Variants in CPNE2 observed in about 807,000 individuals in gnomAD.
CPNE2 encodes copine-2.
CPNE2 carries 42 observed loss-of-function variants against 69.7 expected under a neutral mutation model. That is an observed-to-expected ratio of 0.60 (90% CI 0.47 to 0.78). CPNE2 has a LOEUF of 0.78. Ranked by LOEUF, CPNE2 falls within the 30% of genes least tolerant of loss-of-function variation. CPNE2 has a pLI of 0.00. For synonymous variants in CPNE2, 294 were observed against 289.8 expected, an observed-to-expected ratio of 1.01 and a Z score of -0.15; for missense variants, 587 against 732.0, an observed-to-expected ratio of 0.80 and a Z score of 2.29.
intron 1 of CPNE2, among the ~76,000 whole-genome samples, chr16:57,110,224 CTTTT>C (rs145923720): frequency 1.7e-4 from 20 of 119,026 alleles, no homozygotes; most frequent in Admixed American, 2.7e-4. Flanking sequence ...CTTTTCTTTT[CTTTT>C]TTTTTTTTTT....
chr16:57,125,402 A>G (rs2069793436), intron 10 of CPNE2: 1 of 455,440 alleles, frequency 2.2e-6, no homozygotes, highest in South Asian at 1.5e-5. Context: ...TAATGGGGAG[A>G]TGGCTTGGGT....
At chr16:57,121,044 G>A (rs1182342598) in intron 7 of CPNE2, 49 bp from the exon 8 acceptor site, 1 of 1,430,978 alleles carries the variant, frequency 7.0e-7, no homozygotes, top group Non-Finnish European at 9.7e-7. Context: ...GGGCTGGAGA[G>A]CACCTCTTGG....
Position 57,146,886 on chromosome 16 carries a change from G to A in CPNE2, c.1539+565G>A, listed in dbSNP as rs2069962631. ...GGTTGGCCTCCTGATCACTGCCCTAGCAGCAGGGTCCATGAGGAGTCCCAT... is the reference window on the plus strand; with the variant it reads ...GGTTGGCCTCCTGATCACTGCCCTAACAGCAGGGTCCATGAGGAGTCCCAT... On this transcript the variant is annotated intron_variant, in intron 15 of 15. Transcript: ENST00000290776. This position sits in a 1 kb window ranked among gnomAD's most constrained non-coding sequence, Gnocchi z 4.4. 1.3e-5 allele frequency: 2 copies of A among 159,524 alleles called. No homozygotes were observed. Among genetic ancestry groups the A allele is most frequent in the Non-Finnish European group, 1.4e-5 (1 of 72,292 alleles). 9.9% of individuals were successfully genotyped at this position (159,524 alleles called of 1,614,324 possible).
chr16:57,146,490 G>A lies in CPNE2; in HGVS notation c.1539+169G>A. On this transcript the variant is annotated intron_variant, in intron 15 of 15. Transcript: ENST00000290776. The surrounding 1 kb of genome is among the most constrained non-coding windows in gnomAD (Gnocchi z 4.4). ...TGTGCCAGGCGCCGTGCCAGGCCTTGCCCCGGTGGTGGCCATTGTGATAGT... is the reference window on the plus strand; with the variant it reads ...TGTGCCAGGCGCCGTGCCAGGCCTTACCCCGGTGGTGGCCATTGTGATAGT... 1.6e-6 allele frequency: 1 copy of A among 639,078 alleles called. No homozygotes were observed. Among genetic ancestry groups the A allele is most frequent in the Non-Finnish European group, 2.7e-6 (1 of 372,216 alleles). The allele number at this position is 639,078 out of a possible 1,614,324, so 39.6% of individuals were successfully genotyped here. A position where few individuals can be genotyped will look rare whatever the true frequency, so the allele number is the denominator to read the frequency against.
chr16:57,138,849 C>T (rs1240707570), intron 14 of CPNE2, among the ~76,000 whole-genome samples: 1 of 152,200 alleles, frequency 6.6e-6, no homozygotes, highest in Admixed American at 6.5e-5. Flanking sequence ...GAGCCTCCTC[C>T]CCCAGGGAAA....
intron 1 of CPNE2, among the ~76,000 whole-genome samples, chr16:57,096,802 G>A (rs1459724789): frequency 6.6e-6 from 1 of 151,986 alleles, no homozygotes. Flanking sequence ...TTTTAGAGAG[G>A]GGACAGCCAG....
At chr16:57,104,548 ATGGAGCCT>A in intron 1 of CPNE2, among the ~76,000 whole-genome samples, 1 of 152,220 alleles carries the variant, frequency 6.6e-6, no homozygotes, top group East Asian at 1.9e-4. Flanking sequence ...GCTGCTGATG[ATGGAGCCT>A]GCCTGACGAG....
chr16:57,119,848 C>G (rs1251867508), intron 7 of CPNE2, among the ~76,000 whole-genome samples, 198 bp downstream of exon 7: 1 of 152,254 alleles, frequency 6.6e-6, no homozygotes. Context: ...GGCAGGGCCC[C>G]CACCTTTGAG....
chr16:57,126,095 G>A (rs897771704), intron 11 of CPNE2, 102 bp downstream of exon 11: 9 of 1,443,122 alleles, frequency 6.2e-6, no homozygotes, highest in Non-Finnish European at 8.5e-6. Flanking sequence ...TCAAATCTAG[G>A]AATGGACAGC....
In CPNE2 at chr16:57,092,989, G is replaced by C. The variant is rs2069553855; in HGVS notation, c.-36+199G>C. On this transcript the variant is annotated intron_variant, in intron 1 of 15. Coordinates refer to ENST00000290776, the MANE Select transcript of CPNE2 (RefSeq NM_152727.6). This position sits in a 1 kb window ranked among gnomAD's most constrained non-coding sequence, Gnocchi z 5.3. The stretch of plus-strand genomic sequence containing the variant: ...TCAGCTCCGACCCGGCCACGCGGGG[G>C]CGCCCCGCCGGCTCCCGGACTGCGG... Among the ~76,000 whole-genome samples, 1 of 152,146 alleles carries C rather than the reference G, an allele frequency of 6.6e-6. No individual in the cohort carries two copies. The highest frequency in any genetic ancestry group is 1.5e-5 in the Non-Finnish European group (1 of 67,984).
At chr16:57,119,501 C>A in intron 6 of CPNE2, 60 bp from the exon 7 acceptor site, 2 of 1,462,724 alleles carry the variant, frequency 1.4e-6, no homozygotes, top group Non-Finnish European at 1.9e-6. Context: ...TTGGGCTGAC[C>A]CAACCCCAGA....
chr16:57,106,244 C>A (rs1358052500), intron 1 of CPNE2: 2 of 149,938 alleles, frequency 1.3e-5, no homozygotes, highest in African/African-American at 4.9e-5. Context: ...CCATTGCTCA[C>A]TCTAGCCAGG....
intron 14 of CPNE2, chr16:57,140,757 G>A (rs1221120885): frequency 3.3e-5 from 5 of 151,422 alleles, no homozygotes; most frequent in African/African-American, 1.2e-4. Context: ...TAGAGACAGA[G>A]TTTCACCATG....
At chr16:57,138,885 A>T (rs2145280508) in intron 14 of CPNE2, among the ~76,000 whole-genome samples, 1 of 152,310 alleles carries the variant, frequency 6.6e-6, no homozygotes, top group East Asian at 1.9e-4. Flanking sequence ...GCCTAAGGGG[A>T]CCATTGGGAC....
At position 57,115,497 on chromosome 16, in the gene CPNE2, A is replaced by G; in HGVS notation, c.382A>G (p.Thr128Ala). The G allele has an allele frequency of 1.2e-6, 2 of 1,612,550 alleles. No homozygotes were observed. The highest frequency in any genetic ancestry group is 1.7e-6 in the Non-Finnish European group (2 of 1,179,212). Residue 128 changes from threonine (T) to alanine (A), a missense_variant, in exon 4 of 16, where the codon ACT becomes GCT. Coordinates refer to ENST00000290776, the MANE Select transcript of CPNE2 (RefSeq NM_152727.6). ...LGTIVSSKKI[T>A]RPLLLLNDKP... The stretch of plus-strand genomic sequence containing the variant: ...CTAGATCGTCTCCAGCAAGAAGATC[A>G]CTAGGCCTCTGCTGCTGCTGAATGA...
chr16:57,124,450 A>G (rs1428013591), intron 10 of CPNE2: 2 of 446,672 alleles, frequency 4.5e-6, no homozygotes, highest in Admixed American at 2.4e-5. Flanking sequence ...CTTCTCCCTG[A>G]TCGTCGCACC....
intron 1 of CPNE2, among the ~76,000 whole-genome samples, chr16:57,108,933 CCATT>C (rs1372778857): frequency 1.3e-5 from 2 of 152,160 alleles, no homozygotes; most frequent in African/African-American, 4.8e-5. Flanking sequence ...GAGGGTTTGT[CCATT>C]CATTCATTTA....
intron 7 of CPNE2, 90 bp downstream of exon 7, chr16:57,119,740 T>G: frequency 1.2e-6 from 1 of 827,524 alleles, no homozygotes; most frequent in Non-Finnish European, 1.9e-6. Flanking sequence ...TGTAGAAAGC[T>G]CTTTCTCATA....
intron 7 of CPNE2, among the ~76,000 whole-genome samples, chr16:57,120,224 T>C (rs1324761867): frequency 4.0e-5 from 6 of 151,396 alleles, no homozygotes; most frequent in African/African-American, 4.9e-5. Flanking sequence ...AGAGCCCAGA[T>C]TGAGCCACTG....
Sources: gnomAD v4.1 joint callset for allele counts (sites outside exome capture counted in the v4.1 genomes callset) on GRCh38, gnomAD v4.1.1 for gene constraint, Gnocchi (gnomAD v3.1) non-coding constraint, MANE v1.5 for transcripts, NCBI Gene and HGNC (gene_info 2026-07-23, HGNC 2026-07-21) for gene names.